RCSD1: variants seen among roughly 807,000 people sequenced by gnomAD.
RCSD1 encodes capZ-interacting protein.
In RCSD1, 26 loss-of-function variants were observed where a neutral mutation model predicts 42.5. The observed-to-expected ratio is 0.61, with a 90% confidence interval of 0.45 to 0.85. The LOEUF is 0.85. Ranked by LOEUF, RCSD1 falls within the 40% of genes least tolerant of loss-of-function variation. The pLI is 0.00. For missense variants in RCSD1, 571 were observed against 528.3 expected (o/e 1.08, Z -0.79); for synonymous variants, 220 against 212.2 (o/e 1.04, Z -0.32).
chr1:167,650,686 T>G (rs925531823), intron 1 of RCSD1, among the ~76,000 whole-genome samples: 4 of 152,010 alleles, frequency 2.6e-5, no homozygotes, highest in Non-Finnish European at 4.4e-5. Flanking sequence ...GCATTTTGAG[T>G]TTTAGAAACA....
intron 6 of RCSD1, among the ~76,000 whole-genome samples, chr1:167,701,512 G>T (rs1174810245): frequency 6.6e-6 from 1 of 151,966 alleles, no homozygotes; most frequent in East Asian, 1.9e-4. Flanking sequence ...CACCATATTG[G>T]CCAGGCTGGT....
intron 4 of RCSD1, among the ~76,000 whole-genome samples, chr1:167,691,361 C>T (rs1022796318): frequency 2.6e-5 from 4 of 152,198 alleles, no homozygotes; most frequent in Admixed American, 1.3e-4. Flanking sequence ...TATGAAACAC[C>T]TATGTCCTGA....
At chr1:167,692,099 A>T (rs1272540319) in intron 4 of RCSD1, among the ~76,000 whole-genome samples, 1 of 152,186 alleles carries the variant, frequency 6.6e-6, no homozygotes, top group African/African-American at 2.4e-5. Flanking sequence ...ACAACTTGAG[A>T]ATGTGGTTTG....
intron 1 of RCSD1, among the ~76,000 whole-genome samples, chr1:167,679,925 G>A (rs956174452): frequency 6.6e-6 from 1 of 152,182 alleles, no homozygotes; most frequent in Non-Finnish European, 1.5e-5. Context: ...CAGCGGAGGG[G>A]AAGTTCCATG....
In RCSD1 at chr1:167,704,695, G is replaced by C; in HGVS notation, c.1250G>C (p.Ter417SerextTer19). 1 of 1,612,736 alleles carries C rather than the reference G, an allele frequency of 6.2e-7. No individual in the cohort carries two copies. The highest frequency in any genetic ancestry group is 8.5e-7 in the Non-Finnish European group (1 of 1,179,032). ...DDTPVQDTKM* is the reference protein window; with the variant it reads ...DDTPVQDTKMS ...ACTCCTGTCCAGGACACTAAAATGT[G>C]AAGAACAGCTCATTGTGCCCCAGTG... The change falls in exon 7 of 7, where the codon TGA becomes TCA. Residue 417 changes from the stop codon to serine (S), a stop_lost. Transcript: ENST00000367854.
At position 167,694,237 on chromosome 1, in the gene RCSD1, G is replaced by T; in HGVS notation, c.409G>T (p.Ala137Ser). The change falls in exon 5 of 7, where the codon GCA becomes TCA. Residue 137 changes from alanine to serine, a missense_variant. By Grantham distance (99) the Ala-to-Ser change is moderately conservative. Transcript: ENST00000367854. ...SPGVRSRPSE[A>S]EEVPVSFDQP... ...TGGTGTGCGATCTAGGCCCAGCGAGGCAGAGGAGGTGCCTGTCAGCTTCGA... is the reference window on the plus strand; with the variant it reads ...TGGTGTGCGATCTAGGCCCAGCGAGTCAGAGGAGGTGCCTGTCAGCTTCGA... 6.2e-7 allele frequency: 1 copy of T among 1,614,218 alleles called. No homozygotes were observed. Among genetic ancestry groups the T allele is most frequent in the Non-Finnish European group, 8.5e-7 (1 of 1,180,040 alleles).
chr1:167,664,252 C>G (rs1658601935), intron 1 of RCSD1: 1 of 152,280 alleles, frequency 6.6e-6, no homozygotes, highest in Non-Finnish European at 1.5e-5. Flanking sequence ...GTCCTGGCAG[C>G]TGCCCTGGGC....
intron 1 of RCSD1, among the ~76,000 whole-genome samples, chr1:167,678,605 C>A (rs1032124741): frequency 1.2e-4 from 18 of 152,326 alleles, no homozygotes; most frequent in African/African-American, 4.3e-4. Flanking sequence ...GCTGCCAGCA[C>A]CTGCCTCTGC....
chr1:167,671,414 C>G (rs539995885), intron 1 of RCSD1, among the ~76,000 whole-genome samples: 1 of 152,324 alleles, frequency 6.6e-6, no homozygotes, highest in African/African-American at 2.4e-5. Flanking sequence ...GAGGTTCTTT[C>G]TTTCTTGCCA....
chr1:167,693,987 C>T (rs1298271231), intron 4 of RCSD1, 112 bp from the exon 5 acceptor site: 2 of 937,736 alleles, frequency 2.1e-6, no homozygotes, highest in Non-Finnish European at 3.3e-6. Flanking sequence ...GCATGAAAAG[C>T]CTGGTGTTAC....
intron 1 of RCSD1, among the ~76,000 whole-genome samples, chr1:167,632,577 T>G (rs1657731447): frequency 6.6e-6 from 1 of 152,058 alleles, no homozygotes; most frequent in Admixed American, 6.5e-5. Flanking sequence ...TGTAGTAACT[T>G]ATGCAGGATT....
At chr1:167,676,011 T>G (rs939546210) in intron 1 of RCSD1, among the ~76,000 whole-genome samples, 1 of 152,150 alleles carries the variant, frequency 6.6e-6, no homozygotes, top group South Asian at 2.1e-4. Flanking sequence ...CATCCAGTAA[T>G]AGCTAACAAT....
At chr1:167,682,055 T>C (rs1299312980) in intron 1 of RCSD1, among the ~76,000 whole-genome samples, 2 of 152,192 alleles carry the variant, frequency 1.3e-5, no homozygotes, top group Admixed American at 6.5e-5. Flanking sequence ...GGTATGGAGA[T>C]GAGCTTGAAT....
chr1:167,646,282 G>A (rs917445253), intron 1 of RCSD1, among the ~76,000 whole-genome samples: 2 of 152,036 alleles, frequency 1.3e-5, no homozygotes, highest in Non-Finnish European at 2.9e-5. Flanking sequence ...GGTCATTCGC[G>A]CAGCAGTGGT....
chr1:167,652,182 C>T (rs1029292791), intron 1 of RCSD1, among the ~76,000 whole-genome samples: 6 of 151,952 alleles, frequency 3.9e-5, no homozygotes, highest in Non-Finnish European at 7.4e-5. Flanking sequence ...CCACCATGCC[C>T]GGCTAATTTT....
intron 1 of RCSD1, among the ~76,000 whole-genome samples, chr1:167,643,442 C>T (rs1658056326): frequency 1.3e-5 from 2 of 152,262 alleles, no homozygotes; most frequent in South Asian, 2.1e-4. Flanking sequence ...ACTTCTACCA[C>T]ACTTTATTGT....
At chr1:167,674,750 T>C (rs750151925) in intron 1 of RCSD1, among the ~76,000 whole-genome samples, 3 of 152,260 alleles carry the variant, frequency 2.0e-5, no homozygotes, top group Non-Finnish European at 4.4e-5. Context: ...GATGGGCTTC[T>C]TTCACTTAGC....
chr1:167,682,172 C>CA (rs769621629), intron 1 of RCSD1, among the ~76,000 whole-genome samples: 1 of 140,510 alleles, frequency 7.1e-6, no homozygotes, highest in Non-Finnish European at 1.6e-5. Flanking sequence ...TAAACGAAGC[C>CA]TTTTTTTTTT....
intron 1 of RCSD1, among the ~76,000 whole-genome samples, chr1:167,682,108 A>G (rs143940790): frequency 2.2e-4 from 33 of 152,170 alleles, no homozygotes; most frequent in Middle Eastern, 3.4e-3. Context: ...TTTCCTCCAG[A>G]ACAGCTGTTC....
Sources: allele counts gnomAD v4.1 joint callset (sites outside exome capture counted in the v4.1 genomes callset), GRCh38; gene constraint gnomAD v4.1.1; transcripts MANE v1.5; gene names NCBI Gene and HGNC (gene_info 2026-07-23, HGNC 2026-07-21).